The following EFCAB5 variants were observed in gnomAD, a reference collection of about 807,000 sequenced individuals.
EFCAB5 encodes the protein EF-hand calcium-binding domain-containing protein 5.
Under a neutral mutation model 167.9 loss-of-function variants are expected in EFCAB5, and 131 were observed. The observed-to-expected ratio is 0.78, with a 90% CI of 0.68 to 0.90. The LOEUF (loss-of-function observed/expected upper bound fraction) is 0.90, where lower values mean the gene tolerates loss of function less well. Ranked by LOEUF, EFCAB5 falls within the 40% of genes least tolerant of loss-of-function variation. EFCAB5 has a pLI of 0.00. For synonymous variants in EFCAB5, 574 were observed against 602.8 expected (o/e 0.95, Z 0.70); for missense variants, 1,663 against 1,745.2 (o/e 0.95, Z 0.84).
intron 7 of EFCAB5, among the ~76,000 whole-genome samples, chr17:30,015,524 C>G (rs2069013719): frequency 6.6e-6 from 1 of 152,160 alleles, no homozygotes; most frequent in Non-Finnish European, 1.5e-5. Flanking sequence ...AAGTTTAGAA[C>G]AATGCCAGAC....
intron 4 of EFCAB5, among the ~76,000 whole-genome samples, chr17:29,976,775 G>A (rs1014197803): frequency 6.6e-6 from 1 of 152,080 alleles, no homozygotes; most frequent in African/African-American, 2.4e-5. Context: ...GTGTTCATTT[G>A]CTTCAGCTTG....
At chr17:29,935,508 A>C (rs2067237675) in intron 1 of EFCAB5, among the ~76,000 whole-genome samples, 2 of 152,098 alleles carry the variant, frequency 1.3e-5, no homozygotes, top group Admixed American at 1.3e-4. Flanking sequence ...GCAGTGAGCT[A>C]TGACTGTGCC....
chr17:29,997,052 C>T (rs1297208532), intron 6 of EFCAB5, among the ~76,000 whole-genome samples: 2 of 152,014 alleles, frequency 1.3e-5, no homozygotes, highest in Admixed American at 1.3e-4. Context: ...TTGAGACCAG[C>T]CTGGCCAACA....
chr17:29,946,136 A>T (rs2067392032), intron 3 of EFCAB5, among the ~76,000 whole-genome samples: 1 of 152,162 alleles, frequency 6.6e-6, no homozygotes, highest in Admixed American at 6.5e-5. Flanking sequence ...CAGCAAGAAG[A>T]AAAAAATAAT....
Position 30,092,089 on chromosome 17 carries a change from G to T in EFCAB5, c.4156G>T (p.Val1386Phe), listed in dbSNP as rs750071717. ...VKLVRDILKA[V>F]ILFFHPELEF... ...ACTAGTGCGTGACATCCTGAAGGCG[G>T]TTATCTTGTTCTTTCATCCAGAGTT... The change falls in exon 21 of 23, where the codon GTT (valine) becomes TTT (phenylalanine). Residue 1386 changes from valine (V) to phenylalanine (F), a missense_variant. By Grantham distance (50) the Val-to-Phe change is conservative (BLOSUM62 -1). Transcript: ENST00000394835. The T allele has an allele frequency of 1.2e-6, 2 of 1,613,844 alleles. No individual in the cohort carries two copies.
At chr17:29,986,232 A>T (rs1288465447) in intron 4 of EFCAB5, among the ~76,000 whole-genome samples, 1 of 152,152 alleles carries the variant, frequency 6.6e-6, no homozygotes, top group Non-Finnish European at 1.5e-5. Flanking sequence ...ATTCTTTCCC[A>T]AATTTTGATC....
At chr17:30,002,071 G>A (rs2151657560) in intron 7 of EFCAB5, among the ~76,000 whole-genome samples, 1 of 152,186 alleles carries the variant, frequency 6.6e-6, no homozygotes, top group South Asian at 2.1e-4. Context: ...TTTTAATTTT[G>A]TGGTTTTTCC....
At chr17:29,971,132 G>A (rs980402446) in intron 4 of EFCAB5, among the ~76,000 whole-genome samples, 4 of 151,680 alleles carry the variant, frequency 2.6e-5, no homozygotes, top group African/African-American at 9.7e-5. Context: ...TTCATTACTA[G>A]TTATTTTTAT....
rs769188020 is a variant in EFCAB5 at position 30,107,815 on chromosome 17, T to C, written c.4322-19T>C. On this transcript the variant is annotated intron_variant, in intron 22 of 22. Coordinates refer to ENST00000394835, the MANE Select transcript of EFCAB5 (RefSeq NM_198529.4). Reference sequence around the variant, plus strand: ...GCAAAACTCTCCACTCTTACTTTTCTTTTTTTTTCCTGATGCAGATCATTC... The same window carrying C: ...GCAAAACTCTCCACTCTTACTTTTCCTTTTTTTTCCTGATGCAGATCATTC... The C allele has an allele frequency of 2.8e-6, 4 of 1,441,262 alleles. No individual in the cohort carries two copies. The allele number at this position is 1,441,262 out of a possible 1,614,324, so 89.3% of individuals were successfully genotyped here.
At position 29,952,881 on chromosome 17, in the gene EFCAB5, G is replaced by T. The variant is rs373375857; in HGVS notation, c.190+9232G>T. Among the ~76,000 whole-genome samples, 13 of 151,922 alleles carry T rather than the reference G, an allele frequency of 8.6e-5. No homozygotes were observed. The East Asian group carries it at 2.1e-3, about 25-fold the overall frequency. On this transcript the variant is annotated intron_variant, in intron 3 of 22. Transcript: ENST00000394835. ...TATACTTGCAGGTCTTTAATATTTT[G>T]TAATAAGTAAGGTTAAAAAAACTGC...
chr17:29,946,470 T>C (rs991529139), intron 3 of EFCAB5, among the ~76,000 whole-genome samples: 3 of 139,364 alleles, frequency 2.2e-5, no homozygotes, highest in African/African-American at 8.3e-5. Context: ...AGAGTCTCGC[T>C]CTGTCACCCA....
At chr17:30,106,991 G>A (rs989786626) in intron 22 of EFCAB5, among the ~76,000 whole-genome samples, 1 of 152,182 alleles carries the variant, frequency 6.6e-6, no homozygotes, top group African/African-American at 2.4e-5. Flanking sequence ...AAGAAACTGA[G>A]GCTCAGAGCA....
At chr17:30,041,593 T>C (rs1166381464) in intron 8 of EFCAB5, among the ~76,000 whole-genome samples, 1 of 152,226 alleles carries the variant, frequency 6.6e-6, no homozygotes, top group Non-Finnish European at 1.5e-5. Flanking sequence ...ATAAACTTAG[T>C]TGATAAAGCA....
intron 3 of EFCAB5, among the ~76,000 whole-genome samples, chr17:29,944,711 C>T (rs1438181604): frequency 6.6e-6 from 1 of 150,804 alleles, no homozygotes; most frequent in African/African-American, 2.4e-5. Flanking sequence ...GCAACCTCAG[C>T]CTCCCGGGTT....
intron 4 of EFCAB5, among the ~76,000 whole-genome samples, chr17:29,971,616 T>G (rs1597600887): frequency 6.6e-6 from 1 of 152,334 alleles, no homozygotes; most frequent in East Asian, 1.9e-4. Flanking sequence ...TTTCAACACC[T>G]ATGAAAGTGA....
chr17:30,099,605 G>A (rs1567778802), intron 22 of EFCAB5, among the ~76,000 whole-genome samples: 2 of 152,148 alleles, frequency 1.3e-5, no homozygotes, highest in South Asian at 4.1e-4. Context: ...CATCGATCTG[G>A]ATACTGGCTG....
chr17:30,065,248 A>G (rs2070533034), intron 14 of EFCAB5, among the ~76,000 whole-genome samples: 1 of 152,264 alleles, frequency 6.6e-6, no homozygotes, highest in East Asian at 1.9e-4. Flanking sequence ...GGATATAGAA[A>G]GCAACCAGAA....
At chr17:30,040,161 C>T (rs1366771593) in intron 8 of EFCAB5, among the ~76,000 whole-genome samples, 1 of 152,162 alleles carries the variant, frequency 6.6e-6, no homozygotes. Flanking sequence ...TCTCAAGATT[C>T]CACCGCCTGG....
intron 4 of EFCAB5, among the ~76,000 whole-genome samples, chr17:29,977,500 A>C (rs2068085338): frequency 6.6e-6 from 1 of 152,172 alleles, no homozygotes; most frequent in Non-Finnish European, 1.5e-5. Context: ...TAGATCTAAG[A>C]GACCCCAAAC....
Sources: allele counts gnomAD v4.1 joint callset (sites outside exome capture counted in the v4.1 genomes callset), GRCh38; gene constraint gnomAD v4.1.1; transcripts MANE v1.5; gene names NCBI Gene and HGNC (gene_info 2026-07-23, HGNC 2026-07-21).